FGGY: variants seen among roughly 807,000 people sequenced by gnomAD.
FGGY encodes FGGY carbohydrate kinase domain-containing protein.
In FGGY, 72 loss-of-function variants were observed where a neutral mutation model predicts 71.3. The observed-to-expected ratio is 1.01, with a 90% CI of 0.84 to 1.23. The LOEUF (loss-of-function observed/expected upper bound fraction) is 1.23. FGGY is among the 50% of genes most tolerant of loss of function. The pLI is 0.00. For synonymous variants in FGGY, 251 were observed against 250.3 expected, an observed-to-expected ratio of 1.00 and a Z score of -0.02; for missense variants, 668 against 682.3, an observed-to-expected ratio of 0.98 and a Z score of 0.23.
chr1:59,583,904 A>G (rs1157879471), intron 8 of FGGY, among the ~76,000 whole-genome samples: 1 of 119,418 alleles, frequency 8.4e-6, no homozygotes, highest in Non-Finnish European at 1.8e-5. Context: ...GGTCTGATGC[A>G]GCTGACAGCT....
rs2096666690 is a variant in FGGY at position 59,610,661 on chromosome 1, G to C, written c.1011+2751G>C. 2.0e-5 allele frequency among the ~76,000 whole-genome samples: 3 copies of C among 152,210 alleles called. No homozygotes were observed. The South Asian group carries it at 6.2e-4, about 31-fold the overall frequency. ...ATCTCACTGGGGCTTGTCAGACAGT[G>C]GGTGCAGGACAGTGGGTGCAGCCCA... is the stretch of plus-strand genomic sequence containing the variant. On this transcript the variant is annotated intron_variant, in intron 9 of 15. Coordinates refer to ENST00000303721, the MANE Select transcript of FGGY (RefSeq NM_018291.5).
In FGGY at chr1:59,457,013, G is replaced by A. The variant is rs1207874150; in HGVS notation, c.607G>A (p.Asp203Asn). 2.5e-6 allele frequency: 4 copies of A among 1,614,012 alleles called. No individual in the cohort carries two copies. Among genetic ancestry groups the A allele is most frequent in the South Asian group, 2.2e-5 (2 of 91,090 alleles). ...KWTYSAEKGW[D>N]DSFWKMIGLE... Reference sequence around the variant, plus strand: ...GACATATTCAGCAGAGAAAGGCTGGGACGACAGTTTCTGGAAAATGATTGG... The same window carrying A: ...GACATATTCAGCAGAGAAAGGCTGGAACGACAGTTTCTGGAAAATGATTGG... Residue 203 changes from aspartate to asparagine, a missense_variant, in exon 6 of 16, where the codon GAC (aspartate) becomes AAC (asparagine). By Grantham distance (23) the Asp-to-Asn change is conservative. Coordinates refer to ENST00000303721, the MANE Select transcript of FGGY (RefSeq NM_018291.5).
At chr1:59,413,023 C>T (rs2063829203) in intron 5 of FGGY, among the ~76,000 whole-genome samples, 1 of 152,182 alleles carries the variant, frequency 6.6e-6, no homozygotes, top group African/African-American at 2.4e-5. Flanking sequence ...GATTGTGCCA[C>T]CTTTCTTCCA....
intron 4 of FGGY, among the ~76,000 whole-genome samples, chr1:59,364,033 G>T (rs74085985): frequency 6.6e-6 from 1 of 152,154 alleles, no homozygotes; most frequent in Admixed American, 6.5e-5. Context: ...AGTAAAGTAC[G>T]CCTGTCCTTT....
chr1:59,322,428 T>C (rs1368823012), intron 2 of FGGY, among the ~76,000 whole-genome samples: 1 of 152,066 alleles, frequency 6.6e-6, no homozygotes, highest in African/African-American at 2.4e-5. Context: ...GTGTAGTCTT[T>C]TATTCCTCAC....
At chr1:59,625,883 G>A (rs1317873214) in intron 9 of FGGY, 105 bp from the exon 10 acceptor site, 17 of 822,698 alleles carry the variant, frequency 2.1e-5, no homozygotes, top group Non-Finnish European at 2.7e-5. Context: ...GAACCCGTAT[G>A]GACAAAGAGT....
intron 7 of FGGY, among the ~76,000 whole-genome samples, chr1:59,552,794 T>G (rs2095629302): frequency 6.6e-6 from 1 of 152,208 alleles, no homozygotes; most frequent in South Asian, 2.1e-4. Context: ...CAGGGACTTG[T>G]CTTCTTCATC....
chr1:59,627,485 TATATAC>T (rs1257213854), intron 10 of FGGY, among the ~76,000 whole-genome samples: 1,152 of 113,770 alleles, frequency 0.01, 8 homozygotes, highest in African/African-American at 0.025. Flanking sequence ...TATATATATA[TATATAC>T]ACACACACAC....
intron 5 of FGGY, among the ~76,000 whole-genome samples, chr1:59,443,455 C>G (rs1239346607): frequency 6.6e-6 from 1 of 152,100 alleles, no homozygotes; most frequent in Non-Finnish European, 1.5e-5. Flanking sequence ...CCCCACCCCC[C>G]AACTAGTGGC....
intron 14 of FGGY, among the ~76,000 whole-genome samples, chr1:59,726,768 GT>G (rs1366822714): frequency 2.0e-5 from 3 of 152,016 alleles, no homozygotes; most frequent in South Asian, 2.1e-4. Context: ...AGGTTTGTCA[GT>G]TTTATTGCTC....
chr1:59,321,495 C>A, intron 1 of FGGY, 41 bp from the exon 2 acceptor site: 1 of 1,556,588 alleles, frequency 6.4e-7, no homozygotes, highest in Non-Finnish European at 8.8e-7. Flanking sequence ...CTTTGCAGAT[C>A]CACTTGGTCT....
intron 9 of FGGY, among the ~76,000 whole-genome samples, chr1:59,608,495 A>G (rs778293102): frequency 6.6e-6 from 1 of 152,078 alleles, no homozygotes; most frequent in Non-Finnish European, 1.5e-5. Context: ...TGTTATTCTT[A>G]TTGGTTACTA....
chr1:59,409,596 T>TATATATATATATATATATATATATA (rs1557833921), intron 5 of FGGY, among the ~76,000 whole-genome samples: 2 of 84,038 alleles, frequency 2.4e-5, no homozygotes, highest in Admixed American at 1.3e-4. Context: ...AGGAAGAGTT[T>TATATATATATATATATATATATATA]TTTATATATA....
intron 9 of FGGY, among the ~76,000 whole-genome samples, chr1:59,625,664 C>A (rs915209036): frequency 1.3e-5 from 2 of 152,210 alleles, no homozygotes; most frequent in East Asian, 1.9e-4. Context: ...TCAGACCCCC[C>A]CCATTTGACA....
intron 1 of FGGY, among the ~76,000 whole-genome samples, chr1:59,303,581 C>A (rs557258129): frequency 6.6e-6 from 1 of 152,134 alleles, no homozygotes; most frequent in East Asian, 1.9e-4. Context: ...AGCTATTACA[C>A]CAAGTAGTGA....
chr1:59,366,033 C>T (rs1292536152), intron 4 of FGGY, among the ~76,000 whole-genome samples: 2 of 152,134 alleles, frequency 1.3e-5, no homozygotes, highest in African/African-American at 2.4e-5. Flanking sequence ...TTTCCTAATA[C>T]GTACAGTGGT....
intron 5 of FGGY, among the ~76,000 whole-genome samples, chr1:59,427,106 A>C (rs540801969): frequency 2.6e-5 from 4 of 152,226 alleles, no homozygotes; most frequent in African/African-American, 4.8e-5. Flanking sequence ...CACACAAAAA[A>C]GGTTTTCAAT....
intron 4 of FGGY, among the ~76,000 whole-genome samples, chr1:59,374,269 A>T (rs1002410053): frequency 7.2e-5 from 11 of 152,252 alleles, no homozygotes; most frequent in African/African-American, 1.9e-4. Context: ...TTCTCAAAAG[A>T]AGACATTTAT....
intron 8 of FGGY, among the ~76,000 whole-genome samples, chr1:59,588,976 T>C (rs2096370492): frequency 1.3e-5 from 2 of 152,182 alleles, no homozygotes; most frequent in African/African-American, 4.8e-5. Context: ...AATGCTCCAA[T>C]TAAAAGACAC....
Sources: gnomAD v4.1 joint callset for allele counts (sites outside exome capture counted in the v4.1 genomes callset) on GRCh38, gnomAD v4.1.1 for gene constraint, MANE v1.5 for transcripts, NCBI Gene and HGNC (gene_info 2026-07-23, HGNC 2026-07-21) for gene names.